Variants in ADSL observed in about 807,000 individuals in gnomAD.
ADSL encodes the protein adenylosuccinate lyase, also known as adenylosuccinase.
A neutral mutation model predicts 62.1 loss-of-function variants in ADSL; 44 were observed. The ratio of observed to expected loss-of-function variants is 0.71; its 90% CI spans 0.56 to 0.91. ADSL has a LOEUF of 0.91. Ranked by LOEUF, ADSL falls within the 40% of genes least tolerant of loss-of-function variation. ADSL has a pLI of 0.00. For synonymous variants in ADSL, 198 were observed against 220.5 expected (o/e 0.90, Z 0.90); for missense variants, 531 against 627.4 (o/e 0.85, Z 1.64).
intron 2 of ADSL, among the ~76,000 whole-genome samples, chr22:40,375,072 TAC>T (rs750315802): frequency 1.3e-5 from 2 of 152,354 alleles, no homozygotes; most frequent in Admixed American, 6.5e-5. Flanking sequence ...TGAGGAGAGA[TAC>T]ATTCACCTCT....
chr22:40,359,504 A>T (rs2044695646), intron 6 of ADSL, among the ~76,000 whole-genome samples, 198 bp downstream of exon 6: 4 of 88,078 alleles, frequency 4.5e-5, no homozygotes, highest in African/African-American at 1.1e-4. Context: ...TTTTCGCCTA[A>T]TCGTCTTGCT....
At chr22:40,380,622 G>C (rs2047413786) in intron 2 of ADSL, among the ~76,000 whole-genome samples, 1 of 152,056 alleles carries the variant, frequency 6.6e-6, no homozygotes, top group African/African-American at 2.4e-5. Context: ...ACAGGCGTGA[G>C]TCACTGTGCC....
chr22:40,348,679 T>A, intron 1 of ADSL: 2 of 398,496 alleles, frequency 5.0e-6, no homozygotes, highest in Admixed American at 8.8e-5. Flanking sequence ...ACTTTTTACT[T>A]ATAAATATTT....
At chr22:40,352,496 A>C (rs150038162) in intron 2 of ADSL, among the ~76,000 whole-genome samples, 50 of 152,214 alleles carry the variant, frequency 3.3e-4, no homozygotes, top group African/African-American at 8.4e-4. Context: ...CCACTGCACT[A>C]CAGCCTGGGC....
intron 2 of ADSL, among the ~76,000 whole-genome samples, chr22:40,352,432 G>A (rs1024223549): frequency 6.6e-6 from 1 of 152,150 alleles, no homozygotes; most frequent in Non-Finnish European, 1.5e-5. Flanking sequence ...GGAGGCTGAG[G>A]CAGGAGAATG....
At chr22:40,361,798 G>A (rs1350970633) in intron 9 of ADSL, 163 bp downstream of exon 9, 1 of 912,450 alleles carries the variant, frequency 1.1e-6, no homozygotes, top group East Asian at 2.6e-5. Context: ...TGTGATAAGT[G>A]TTACAATTGG....
intron 2 of ADSL, among the ~76,000 whole-genome samples, chr22:40,380,225 G>A (rs1298825107): frequency 6.6e-6 from 1 of 152,052 alleles, no homozygotes; most frequent in Non-Finnish European, 1.5e-5. Flanking sequence ...TGCTGTGTGT[G>A]TATTTGTATG....
chr22:40,357,175 C>T (rs768726810), intron 4 of ADSL, among the ~76,000 whole-genome samples: 2 of 151,022 alleles, frequency 1.3e-5, no homozygotes, highest in African/African-American at 2.4e-5. Context: ...GGATTACAAG[C>T]GTGAGACACC....
downstream of ADSL, among the ~76,000 whole-genome samples, chr22:40,369,564 C>T (rs1456209066): frequency 1.3e-5 from 2 of 151,352 alleles, no homozygotes; most frequent in Non-Finnish European, 2.9e-5. Flanking sequence ...AGTGCAGTGG[C>T]ATGACCACAG....
rs781253590 is a variant in ADSL, at chr22:40,364,900, A to C, written c.1212A>C (p.Arg404Ser). 6 of 1,614,220 alleles carry C rather than the reference A, an allele frequency of 3.7e-6. No individual in the cohort carries two copies. In the Admixed American group the frequency reaches 1.0e-4, roughly 27 times the overall value. The change falls in exon 12 of 13, where the codon AGA (arginine) becomes AGC (serine). Residue 404 changes from arginine (R) to serine (S), a missense_variant. By Grantham distance (110) the Arg-to-Ser change is moderately radical (BLOSUM62 -1). Transcript: ENST00000623063. ...GSRQDCHEKI[R>S]VLSQQAASVV... ...CCCAGGATTGCCATGAGAAAATCAG[A>C]GTGCTTTCTCAGCAGGCAGCTTCTG...
rs1011687452 is a variant in ADSL at position 40,365,053 on chromosome 22, G to A, written c.1365G>A (p.Gln455=). 6.2e-7 allele frequency: 1 copy of A among 1,613,204 alleles called. No homozygotes were observed. Among genetic ancestry groups the A allele is most frequent in the Non-Finnish European group, 8.5e-7 (1 of 1,179,528 alleles). Reference sequence around the variant, plus strand: ...CTTCTTTCACTGGTCGTGCCTCCCAGCAGGTAAGCTTCCAAGAAGCCTCTT... The same window carrying A: ...CTTCTTTCACTGGTCGTGCCTCCCAACAGGTAAGCTTCCAAGAAGCCTCTT... The part of the protein sequence containing the change: ...DPSSFTGRAS[Q]QVQRFLEEEV... The change falls in exon 12 of 13, where the codon CAG becomes CAA. Residue 455 remains glutamine, a synonymous_variant. Coordinates refer to ENST00000623063, the MANE Select transcript of ADSL (RefSeq NM_000026.4).
intron 11 of ADSL, 118 bp from the exon 12 acceptor site, chr22:40,364,762 T>C: frequency 9.4e-7 from 1 of 1,060,094 alleles, no homozygotes; most frequent in Non-Finnish European, 1.5e-6. Flanking sequence ...CACCTCAGCC[T>C]AGAGGGGTTT....
At chr22:40,359,670 C>T (rs1229043114) in intron 6 of ADSL, among the ~76,000 whole-genome samples, 2 of 151,880 alleles carry the variant, frequency 1.3e-5, no homozygotes, top group Non-Finnish European at 2.9e-5. Context: ...CCTGTGACTA[C>T]AGGCATGCCT....
In ADSL at chr22:40,364,361, G is replaced by C; in HGVS notation, c.1187G>C (p.Arg396Pro). ...IMAMVKAGGS[R>P]QDCHEKIRVL... ...GCCATGGTCAAAGCTGGAGGTAGCC[G>C]CCAGGTTTGTAACCCCTCATGTTCC... Residue 396 changes from arginine (R) to proline (P), a missense_variant, in exon 11 of 13, where the codon CGC becomes CCC. By Grantham distance (103) the Arg-to-Pro change is moderately radical (BLOSUM62 -2). This residue lies in a region of ADSL where 471 missense variants were observed against 592.9 expected (regional missense o/e 0.79). Transcript: ENST00000623063. 1 of 1,613,444 alleles carries C rather than the reference G, an allele frequency of 6.2e-7. No individual in the cohort carries two copies. The highest frequency in any genetic ancestry group is 8.5e-7 in the Non-Finnish European group (1 of 1,179,694).
Position 40,359,251 on chromosome 22 carries a change from C to G in ADSL, c.655-9C>G, listed in dbSNP as rs1334564416. The G allele has an allele frequency of 2.5e-6, 4 of 1,613,982 alleles. No homozygotes were observed. In the South Asian group the frequency reaches 4.4e-5, roughly 18 times the overall value. On this transcript the variant is annotated splice_polypyrimidine_tract_variant and intron_variant, in intron 5 of 12. Transcript: ENST00000623063. ...GGATTATTATAAGGATGTGTCTTTT[C>G]TTTCCAAGGTAGAGCAGCTTGACAA...
chr22:40,350,879 C>G (rs1440081568), intron 2 of ADSL, among the ~76,000 whole-genome samples: 9 of 152,076 alleles, frequency 5.9e-5, no homozygotes, highest in Non-Finnish European at 1.5e-5. Flanking sequence ...CCTTGGCCTC[C>G]CAAAGTGCTG....
downstream of ADSL, among the ~76,000 whole-genome samples, chr22:40,369,810 C>A (rs191454938): frequency 1.2e-3 from 183 of 152,306 alleles, 1 homozygote; most frequent in African/African-American, 4.2e-3. Flanking sequence ...CTTGGGGCAA[C>A]TGATGAAATG....
downstream of ADSL, chr22:40,370,530 C>T (rs1350481816): frequency 6.6e-6 from 1 of 152,292 alleles, no homozygotes; most frequent in Non-Finnish European, 1.5e-5. Flanking sequence ...ACGCGCCCCG[C>T]CTAGTGGGCG....
At position 40,376,911 on chromosome 22, in the gene ADSL, T is replaced by G. The variant is rs767735171; in HGVS notation, c.89+10413T>G. Reference sequence around the variant, plus strand: ...CAGTTAGCTTCGAGTTTACAAAGCATTTTGCACACATTTTCTTTGATTGTC... The same window carrying G: ...CAGTTAGCTTCGAGTTTACAAAGCAGTTTGCACACATTTTCTTTGATTGTC... On this transcript the variant is annotated intron_variant, in intron 2 of 2. Transcript: ENST00000498234. Among the ~76,000 whole-genome samples the G allele has an allele frequency of 2.2e-4, 33 of 152,198 alleles. 2 individuals carry two copies. Among genetic ancestry groups the G allele is most frequent in the Non-Finnish European group, 7.3e-5 (5 of 68,030 alleles).
Sources: allele counts gnomAD v4.1 joint callset (sites outside exome capture counted in the v4.1 genomes callset), GRCh38; gene constraint gnomAD v4.1.1; regional missense constraint gnomAD v4.1.1; transcripts MANE v1.5; gene names NCBI Gene and HGNC (gene_info 2026-07-23, HGNC 2026-07-21).